SNX29: variants seen among roughly 807,000 people sequenced by gnomAD.
SNX29 encodes the protein sorting nexin 29.
SNX29 carries 78 observed loss-of-function variants against 102.1 expected under a neutral mutation model. The observed-to-expected ratio is 0.76, with a 90% CI of 0.64 to 0.92. The LOEUF is 0.92. Ranked by LOEUF, SNX29 falls within the 40% of genes least tolerant of loss-of-function variation. SNX29 has a pLI of 0.00. For missense variants in SNX29, 1,280 were observed against 1,061.7 expected, an observed-to-expected ratio of 1.21 and a Z score of -2.86; for synonymous variants, 580 against 414.5, an observed-to-expected ratio of 1.40 and a Z score of -4.85.
intron 11 of SNX29, among the ~76,000 whole-genome samples, chr16:12,107,326 A>G (rs1248493201): frequency 1.3e-5 from 2 of 149,034 alleles, no homozygotes; most frequent in African/African-American, 4.9e-5. Flanking sequence ...CTGACTGACC[A>G]CAGCACTGTG....
At chr16:12,540,529 T>C (rs988977557) in intron 20 of SNX29, among the ~76,000 whole-genome samples, 1 of 152,244 alleles carries the variant, frequency 6.6e-6, no homozygotes, top group Non-Finnish European at 1.5e-5. Flanking sequence ...AGAATTTGTT[T>C]CGCGGCTTCC....
intron 11 of SNX29, among the ~76,000 whole-genome samples, chr16:12,118,795 G>C (rs976009067): frequency 6.6e-6 from 1 of 152,170 alleles, no homozygotes; most frequent in African/African-American, 2.4e-5. Context: ...TGCTCGGACT[G>C]TCTGTGGTCT....
chr16:12,452,522 C>T (rs189157804), intron 18 of SNX29, among the ~76,000 whole-genome samples: 9 of 152,304 alleles, frequency 5.9e-5, no homozygotes, highest in Middle Eastern at 3.4e-3. Context: ...AGAGTTGCCT[C>T]ATACAGCCTG....
At chr16:12,490,323 T>G (rs1482287328) in intron 19 of SNX29, among the ~76,000 whole-genome samples, 4 of 152,230 alleles carry the variant, frequency 2.6e-5, no homozygotes, top group East Asian at 1.9e-4. Context: ...GTATCTGGCT[T>G]CTTTCTCTCA....
intron 20 of SNX29, among the ~76,000 whole-genome samples, chr16:12,540,715 A>G (rs2077294925): frequency 1.3e-5 from 2 of 152,202 alleles, no homozygotes; most frequent in Admixed American, 6.5e-5. Flanking sequence ...AAGACGCTCC[A>G]GGGATGAAGA....
In SNX29 at chr16:12,162,617, G is replaced by A. The variant is rs191963375; in HGVS notation, c.1595+32859G>A. Among the ~76,000 whole-genome samples, 684 of 152,348 alleles carry A rather than the reference G, an allele frequency of 4.5e-3. 4 individuals are homozygous for A. Among genetic ancestry groups the A allele is most frequent in the Middle Eastern group, 0.01 (3 of 294 alleles). On this transcript the variant is annotated intron_variant, in intron 13 of 20. Coordinates refer to ENST00000566228, the MANE Select transcript of SNX29 (RefSeq NM_032167.5). ...TCTATTCAATAAAGCTATTTAAGAA[G>A]CCACAAAAAATACACAACAGGCTGG...
chr16:12,306,233 A>T (rs977139657), intron 15 of SNX29, among the ~76,000 whole-genome samples: 1 of 152,170 alleles, frequency 6.6e-6, no homozygotes, highest in Non-Finnish European at 1.5e-5. Context: ...AAAGAGTTGC[A>T]TCGAAATTCT....
intron 16 of SNX29, among the ~76,000 whole-genome samples, chr16:12,377,420 G>A (rs2082916539): frequency 6.6e-6 from 1 of 152,172 alleles, no homozygotes. Context: ...GACTCTTAAA[G>A]CTTCCACCCA....
At chr16:12,379,704 G>T (rs1322664220) in intron 16 of SNX29, among the ~76,000 whole-genome samples, 1 of 152,200 alleles carries the variant, frequency 6.6e-6, no homozygotes, top group Non-Finnish European at 1.5e-5. Context: ...TGACAGAAGA[G>T]ATGAGAAATG....
chr16:12,559,032 G>C (rs903845105), intron 20 of SNX29, among the ~76,000 whole-genome samples: 2 of 152,174 alleles, frequency 1.3e-5, no homozygotes, highest in African/African-American at 4.8e-5. Flanking sequence ...CTCCTTTTAA[G>C]TAAATTCACA....
chr16:12,413,559 G>C (rs775833453), intron 18 of SNX29, among the ~76,000 whole-genome samples: 1 of 138,216 alleles, frequency 7.2e-6, no homozygotes, highest in Non-Finnish European at 1.7e-5. Context: ...CAGAGGAGTG[G>C]CTCTGTGAGA....
At chr16:12,538,732 GAGA>G (rs1480947497) in intron 20 of SNX29, among the ~76,000 whole-genome samples, 1 of 152,104 alleles carries the variant, frequency 6.6e-6, no homozygotes, top group African/African-American at 2.4e-5. Flanking sequence ...GCACAGACAG[GAGA>G]AGCACACCCA....
intron 6 of SNX29, among the ~76,000 whole-genome samples, chr16:12,047,651 C>CTTTTT (rs376623418): frequency 2.4e-5 from 3 of 126,614 alleles, no homozygotes; most frequent in Admixed American, 8.2e-5. Context: ...GGACCAAGGT[C>CTTTTT]TTTTTTTTTT....
intron 19 of SNX29, among the ~76,000 whole-genome samples, chr16:12,485,146 G>A (rs571615719): frequency 1.3e-5 from 2 of 152,200 alleles, no homozygotes; most frequent in African/African-American, 2.4e-5. Context: ...GTTCTCACCC[G>A]ACTTTTGGCT....
intron 11 of SNX29, among the ~76,000 whole-genome samples, chr16:12,112,647 T>C (rs901040534): frequency 8.5e-5 from 13 of 152,182 alleles, no homozygotes; most frequent in Admixed American, 8.5e-4. Context: ...AGGTCTCTTC[T>C]GGCAAGACAG....
intron 4 of SNX29, among the ~76,000 whole-genome samples, chr16:12,031,582 G>A (rs554102723): frequency 2.6e-4 from 39 of 151,722 alleles, no homozygotes; most frequent in Admixed American, 2.1e-3. Context: ...TGAGGCGGGC[G>A]GATCATGAGG....
intron 14 of SNX29, among the ~76,000 whole-genome samples, chr16:12,262,858 A>G (rs1596674178): frequency 6.6e-6 from 1 of 152,094 alleles, no homozygotes; most frequent in East Asian, 1.9e-4. Flanking sequence ...CCACTGTCCA[A>G]CTCCAGAACA....
intron 14 of SNX29, among the ~76,000 whole-genome samples, chr16:12,228,699 G>T (rs1032398902): frequency 1.4e-4 from 22 of 152,206 alleles, no homozygotes; most frequent in African/African-American, 5.3e-4. Flanking sequence ...TTCTCTGCCT[G>T]TATCACCTCA....
chr16:12,296,303 G>A (rs1054015788), intron 15 of SNX29, among the ~76,000 whole-genome samples: 5 of 152,228 alleles, frequency 3.3e-5, no homozygotes, highest in African/African-American at 9.6e-5. Flanking sequence ...ATAAAATCGA[G>A]TGGATAAAAT....
Sources: allele counts gnomAD v4.1 joint callset (sites outside exome capture counted in the v4.1 genomes callset), GRCh38; gene constraint gnomAD v4.1.1; transcripts MANE v1.5; gene names NCBI Gene and HGNC (gene_info 2026-07-23, HGNC 2026-07-21).